Variants in MKKS observed in about 807,000 individuals in gnomAD.
MKKS encodes the protein MKKS centrosomal shuttling protein.
A neutral mutation model predicts 33.2 loss-of-function variants in MKKS; 29 were observed. The ratio of observed to expected loss-of-function variants is 0.87; its 90% CI spans 0.65 to 1.19. MKKS has a LOEUF of 1.19. MKKS is among the 50% of genes most tolerant of loss of function. The pLI, the probability that MKKS is intolerant of heterozygous loss-of-function variation, is 0.00. For synonymous variants in MKKS, 260 were observed against 244.0 expected (o/e 1.07, Z -0.61); for missense variants, 661 against 662.3 (o/e 1.00, Z 0.02).
chr20:10,412,703 G>A lies in MKKS; in HGVS notation c.812C>T (p.Ala271Val), dbSNP rs772754363. 4 of 1,614,154 alleles carry A rather than the reference G, an allele frequency of 2.5e-6. No individual in the cohort carries two copies. Among genetic ancestry groups the A allele is most frequent in the Non-Finnish European group, 3.4e-6 (4 of 1,180,020 alleles). Residue 271 changes from alanine (A) to valine (V), a missense_variant, in exon 3 of 6, where the codon GCA becomes GTA. By Grantham distance (64) the Ala-to-Val change is moderately conservative (BLOSUM62 0). Coordinates refer to ENST00000347364, the MANE Select transcript of MKKS (RefSeq NM_170784.3). The stretch of plus-strand genomic sequence containing the variant: ...TAGGTTAAGCAGCTGGTCCAAGACT[G>A]CATTTTCAAGAGAAACCCCATAACT... ...VVSYGVSLEN[A>V]VLDQLLNLGR... is the part of the protein sequence containing the mutation.
intron 1 of MKKS, among the ~76,000 whole-genome samples, chr20:10,422,070 T>C (rs6108568): frequency 0.14 from 21,761 of 152,082 alleles, 1,750 homozygotes; most frequent in East Asian, 0.24. Context: ...CAAAACACAA[T>C]AGTACTGAGT....
In MKKS at chr20:10,405,242, T is replaced by G. The variant is rs757488951; in HGVS notation, c.*5A>C. On this transcript the variant is annotated 3_prime_UTR_variant, in exon 6 of 6. Coordinates refer to ENST00000347364, the MANE Select transcript of MKKS (RefSeq NM_170784.3). ...TTTCTCTTGTAATACGAACATGCTA[T>G]TCTCTTAGTTTTTATCTTCAATAAC... is the stretch of plus-strand genomic sequence containing the variant. The G allele has an allele frequency of 6.2e-7, 1 of 1,603,238 alleles. No individual in the cohort carries two copies. The highest frequency in any genetic ancestry group is 2.2e-5 in the East Asian group (1 of 44,790).
At position 10,413,150 on chromosome 20, in the gene MKKS, T is replaced by C. The variant is rs780903812; in HGVS notation, c.365A>G (p.His122Arg). Reference protein sequence around the residue: ...TPTTVIRLNKHLLSLCISYLK... With the variant: ...TPTTVIRLNKRLLSLCISYLK... The stretch of plus-strand genomic sequence containing the variant: ...ATAACTGATGCAAAGACTCAAAAGA[T>C]GTTTATTTAATCTAATGACAGTGGT... The change falls in exon 3 of 6, where the codon CAT (histidine) becomes CGT (arginine). Residue 122 changes from histidine (H) to arginine (R), a missense_variant. Coordinates refer to ENST00000347364, the MANE Select transcript of MKKS (RefSeq NM_170784.3). The C allele has an allele frequency of 1.9e-6, 3 of 1,614,010 alleles. No individual in the cohort carries two copies. Among genetic ancestry groups the C allele is most frequent in the African/African-American group, 1.3e-5 (1 of 74,922 alleles).
Position 10,412,590 on chromosome 20 carries a change from G to C in MKKS, c.925C>G (p.Arg309Gly). 6.2e-7 allele frequency: 1 copy of C among 1,613,886 alleles called. No homozygotes were observed. Among genetic ancestry groups the C allele is most frequent in the Non-Finnish European group, 8.5e-7 (1 of 1,179,824 alleles). ...PSLKQFLNMHRIIAIDRIGVT... is the reference protein window; with the variant it reads ...PSLKQFLNMHGIIAIDRIGVT... Reference sequence around the variant, plus strand: ...CCAATTCTGTCTATGGCAATAATACGATGCATATTGAGAAACTGCTTCAAA... The same window carrying C: ...CCAATTCTGTCTATGGCAATAATACCATGCATATTGAGAAACTGCTTCAAA... The change falls in exon 3 of 6, where the codon CGT becomes GGT. Residue 309 changes from arginine to glycine, a missense_variant. Transcript: ENST00000347364.
Position 10,412,785 on chromosome 20 carries a change from A to C in MKKS, c.730T>G (p.Phe244Val). 1 of 1,614,240 alleles carries C rather than the reference A, an allele frequency of 6.2e-7. No homozygotes were observed. Among genetic ancestry groups the C allele is most frequent in the South Asian group, 1.1e-5 (1 of 91,092 alleles). The change falls in exon 3 of 6, where the codon TTT becomes GTT. Residue 244 changes from phenylalanine (F) to valine (V), a missense_variant. Physicochemically the swap from Phe to Val is conservative, Grantham distance 50. Transcript: ENST00000347364. ...GTGTCTCCGGATAAAGTTGTACAAA[A>C]GAGTGCCACCTTGAGGGCAGTTGAT... ...KKSTALKVAL[F>V]CTTLSGDTSD... is the part of the protein sequence containing the mutation.
intron 5 of MKKS, 151 bp from the exon 6 acceptor site, chr20:10,405,838 A>G: frequency 3.7e-6 from 3 of 816,246 alleles, no homozygotes; most frequent in Non-Finnish European, 5.8e-6. Flanking sequence ...ACGGGCTTGT[A>G]TGGGTCAGCC....
intron 3 of MKKS, among the ~76,000 whole-genome samples, chr20:10,411,544 A>G (rs1452240369): frequency 2.6e-5 from 4 of 152,220 alleles, no homozygotes; most frequent in Non-Finnish European, 5.9e-5. Context: ...GTTCCAAGGA[A>G]TTATTTCCAT....
intron 1 of MKKS, among the ~76,000 whole-genome samples, chr20:10,428,762 C>G (rs2065033554): frequency 6.6e-6 from 1 of 152,186 alleles, no homozygotes. Flanking sequence ...TCGCTTGAAT[C>G]CAGGAGGCAG....
rs747432332 is a variant in MKKS, at chr20:10,405,539, T to C, written c.1421A>G (p.Tyr474Cys). ...DGGEILTDMK[Y>C]GHLWSVQADS... is the part of the protein sequence containing the mutation. ...TGCCTGAACTGACCAAAGGTGTCCA[T>C]ACTTCATGTCAGTGAGAATTTCACC... is the stretch of plus-strand genomic sequence containing the variant. Residue 474 changes from tyrosine (Y) to cysteine (C), a missense_variant, in exon 6 of 6, where the codon TAT becomes TGT. Physicochemically the swap from Tyr to Cys is radical, Grantham distance 194 (BLOSUM62 -2). Coordinates refer to ENST00000347364, the MANE Select transcript of MKKS (RefSeq NM_170784.3). 2 of 1,614,206 alleles carry C rather than the reference T, an allele frequency of 1.2e-6. No individual in the cohort carries two copies. The highest frequency in any genetic ancestry group is 4.5e-5 in the East Asian group (2 of 44,888).
intron 1 of MKKS, among the ~76,000 whole-genome samples, chr20:10,421,440 A>G (rs1037359944): frequency 2.6e-5 from 4 of 151,474 alleles, no homozygotes; most frequent in African/African-American, 2.4e-5. Flanking sequence ...AAAAAATTAC[A>G]TTTAGTCACA....
At chr20:10,407,572 G>C in intron 5 of MKKS, 44 bp downstream of exon 5, 1 of 1,543,110 alleles carries the variant, frequency 6.5e-7, no homozygotes. Context: ...GAAAACAAAA[G>C]TTGCTGAGAA....
intron 1 of MKKS, among the ~76,000 whole-genome samples, chr20:10,421,434 A>C (rs923938222): frequency 6.6e-6 from 1 of 150,830 alleles, no homozygotes; most frequent in Non-Finnish European, 1.5e-5. Flanking sequence ...AAAAAAAAAA[A>C]ATTACATTTA....
Position 10,413,664 on chromosome 20 carries a change from C to A in MKKS, c.-150G>T. 2.4e-6 allele frequency: 2 copies of A among 822,694 alleles called. No individual in the cohort carries two copies. Among genetic ancestry groups the A allele is most frequent in the South Asian group, 1.6e-5 (1 of 61,340 alleles). The allele number at this position is 822,694 out of a possible 1,614,324, so 51.0% of individuals were successfully genotyped here. A position where few individuals can be genotyped will look rare whatever the true frequency, so the allele number is the denominator to read the frequency against. On this transcript the variant is annotated 5_prime_UTR_variant, in exon 3 of 6. An upstream open reading frame in the 5' UTR gains an earlier in-frame stop. Transcript: ENST00000347364. ...ATTGTGGCTATAAAATCAAAAAGTT[C>A]AATGTTTATGAAGCTAATCAGCATA... is the stretch of plus-strand genomic sequence containing the variant.
chr20:10,412,750 A>T lies in MKKS; in HGVS notation c.765T>A (p.Thr255=). 1 of 1,614,194 alleles carries T rather than the reference A, an allele frequency of 6.2e-7. No individual in the cohort carries two copies. Among genetic ancestry groups the T allele is most frequent in the Non-Finnish European group, 8.5e-7 (1 of 1,180,020 alleles). ...CTTLSGDTSD[T]GEGTVVVSYG... is the part of the protein sequence containing the mutation. ...AACTGACCACCACAGTTCCTTCTCC[A>T]GTGTCAGAAGTGTCTCCGGATAAAG... Residue 255 remains threonine, a synonymous_variant, in exon 3 of 6, where the codon ACT becomes ACA. Coordinates refer to ENST00000347364, the MANE Select transcript of MKKS (RefSeq NM_170784.3).
At chr20:10,423,428 A>G (rs1416869200) in intron 1 of MKKS, among the ~76,000 whole-genome samples, 2 of 152,156 alleles carry the variant, frequency 1.3e-5, no homozygotes, top group Non-Finnish European at 2.9e-5. Context: ...TCAAAAAAAC[A>G]AACCAAAAGC....
intron 1 of MKKS, among the ~76,000 whole-genome samples, chr20:10,421,317 T>C (rs1231023830): frequency 1.3e-5 from 2 of 150,180 alleles, no homozygotes; most frequent in Non-Finnish European, 3.0e-5. Context: ...CTAGCTACTC[T>C]GGAGGCTGAG....
intron 5 of MKKS, among the ~76,000 whole-genome samples, chr20:10,406,320 C>T (rs2064844159): frequency 1.3e-5 from 2 of 152,006 alleles, no homozygotes; most frequent in African/African-American, 2.4e-5. Flanking sequence ...CACCACATAC[C>T]AACACTTCAG....
chr20:10,424,594 T>C (rs929681152), intron 1 of MKKS, among the ~76,000 whole-genome samples: 2 of 151,850 alleles, frequency 1.3e-5, no homozygotes, highest in Non-Finnish European at 2.9e-5. Context: ...AAAAAAAAAA[T>C]AGTTTTCAAA....
chr20:10,412,593 G>A lies in MKKS; in HGVS notation c.922C>T (p.His308Tyr). The change falls in exon 3 of 6, where the codon CAT (histidine) becomes TAT (tyrosine). Residue 308 changes from histidine (H) to tyrosine (Y), a missense_variant. Coordinates refer to ENST00000347364, the MANE Select transcript of MKKS (RefSeq NM_170784.3). ...ATTCTGTCTATGGCAATAATACGAT[G>A]CATATTGAGAAACTGCTTCAAAGAT... ...HPSLKQFLNM[H>Y]RIIAIDRIGV... 1.9e-6 allele frequency: 3 copies of A among 1,613,932 alleles called. No individual in the cohort carries two copies. The highest frequency in any genetic ancestry group is 2.5e-6 in the Non-Finnish European group (3 of 1,179,832).
Sources: gnomAD v4.1 joint callset for allele counts (sites outside exome capture counted in the v4.1 genomes callset) on GRCh38, gnomAD v4.1.1 for gene constraint, MANE v1.5 for transcripts, NCBI Gene and HGNC (gene_info 2026-07-23, HGNC 2026-07-21) for gene names.